ZDHHC21: variants seen among roughly 807,000 people sequenced by gnomAD.
ZDHHC21 encodes palmitoyltransferase ZDHHC21.
ZDHHC21 carries 15 observed loss-of-function variants against 34.6 expected under a neutral mutation model. The ratio of observed to expected loss-of-function variants is 0.43; its 90% CI spans 0.29 to 0.67. ZDHHC21 has a LOEUF of 0.67. Among genes scored for constraint, ZDHHC21 ranks in the 30% least tolerant of loss-of-function variants. ZDHHC21 has a pLI of 0.14. For missense variants in ZDHHC21, 344 were observed against 327.7 expected (o/e 1.05, Z -0.38); for synonymous variants, 142 against 101.8 (o/e 1.40, Z -2.38).
chr9:14,654,396 T>A (rs959363451), intron 7 of ZDHHC21, among the ~76,000 whole-genome samples: 21 of 32,202 alleles, frequency 6.5e-4, no homozygotes, highest in African/African-American at 2.3e-3. Context: ...TTATATCCTA[T>A]CAAAAAAAAA....
In ZDHHC21 at chr9:14,655,302, G is replaced by T. The variant is rs191414702; in HGVS notation, c.504+3447C>A. Among the ~76,000 whole-genome samples the T allele has an allele frequency of 8.6e-5, 13 of 151,954 alleles. No individual in the cohort carries two copies. In the East Asian group the frequency reaches 2.3e-3, roughly 27 times the overall value. On this transcript the variant is annotated intron_variant, in intron 7 of 9. Coordinates refer to ENST00000380916, the MANE Select transcript of ZDHHC21 (RefSeq NM_178566.6). Reference sequence around the variant, plus strand: ...TGAAGGAGAAATAAAAGCATCTTCAGGGAACCAACACTGAGAGAATTTGTT... The same window carrying T: ...TGAAGGAGAAATAAAAGCATCTTCATGGAACCAACACTGAGAGAATTTGTT...
intron 6 of ZDHHC21, among the ~76,000 whole-genome samples, chr9:14,660,010 T>C (rs1215556599): frequency 6.6e-6 from 1 of 152,176 alleles, no homozygotes; most frequent in African/African-American, 2.4e-5. Context: ...CCAGAACAGC[T>C]TTAAGAAGCA....
chr9:14,600,749 C>G, the ZDHHC21 span, among the ~76,000 whole-genome samples: 2 of 152,006 alleles, frequency 1.3e-5, no homozygotes, highest in African/African-American at 2.4e-5. Context: ...GACTTCAAAC[C>G]ATACTACAAG....
At chr9:14,632,007 G>C (rs140063028) in intron 8 of ZDHHC21, among the ~76,000 whole-genome samples, 1 of 151,534 alleles carries the variant, frequency 6.6e-6, no homozygotes, top group African/African-American at 2.4e-5. Flanking sequence ...ATATTGTACC[G>C]AAAGACTTAC....
intron 8 of ZDHHC21, among the ~76,000 whole-genome samples, chr9:14,631,101 G>T (rs981598451): frequency 6.6e-6 from 1 of 152,228 alleles, no homozygotes; most frequent in Admixed American, 6.5e-5. Flanking sequence ...TGTAGCCACA[G>T]AAGTCCTACA....
At chr9:14,631,045 C>G (rs370977502) in intron 8 of ZDHHC21, among the ~76,000 whole-genome samples, 5 of 152,202 alleles carry the variant, frequency 3.3e-5, no homozygotes, top group Non-Finnish European at 7.3e-5. Context: ...GAGAGTCAGT[C>G]TGTCCTGTAC....
chr9:14,677,810 T>C (rs774248040), intron 3 of ZDHHC21, among the ~76,000 whole-genome samples: 6 of 152,128 alleles, frequency 3.9e-5, no homozygotes, highest in Non-Finnish European at 7.4e-5. Context: ...GGAATACCAC[T>C]ATTTTTTGCC....
In ZDHHC21 at chr9:14,617,447, G is replaced by A. The variant is rs1824420120; in HGVS notation, c.*1519C>T. ...TTCTGAAAGAACTAACCACAGTATA[G>A]CCAACTGGCTGACAATGGTAACCTT... On this transcript the variant is annotated 3_prime_UTR_variant, in exon 10 of 10. Coordinates refer to ENST00000380916, the MANE Select transcript of ZDHHC21 (RefSeq NM_178566.6). 6.6e-6 allele frequency: 1 copy of A among 151,910 alleles called. No individual in the cohort carries two copies. Among genetic ancestry groups the A allele is most frequent in the South Asian group, 2.1e-4 (1 of 4,826 alleles). The allele number at this position is 151,910 out of a possible 1,614,324, so 9.4% of individuals were successfully genotyped here. A position where few individuals can be genotyped will look rare whatever the true frequency, so the allele number is the denominator to read the frequency against.
At chr9:14,624,575 T>C (rs1213350150) in intron 8 of ZDHHC21, among the ~76,000 whole-genome samples, 2 of 152,120 alleles carry the variant, frequency 1.3e-5, no homozygotes, top group African/African-American at 2.4e-5. Flanking sequence ...TTCTCACTCA[T>C]ATGCAGAATC....
rs574021281 is a variant in ZDHHC21, at chr9:14,611,796, C to A, written c.*7170G>T. ...CCTTGCAAGAGCCTAGCTTTGTCCT[C>A]CCGTGTTAGACTCACAATTCACTTG... On this transcript the variant is annotated 3_prime_UTR_variant, in exon 10 of 10. Transcript: ENST00000380916. 7 of 152,008 alleles carry A rather than the reference C, an allele frequency of 4.6e-5. No homozygotes were observed. Among genetic ancestry groups the A allele is most frequent in the Non-Finnish European group, 8.8e-5 (6 of 67,950 alleles). The allele number at this position is 152,008 out of a possible 1,614,324, so 9.4% of individuals were successfully genotyped here. A position where few individuals can be genotyped will look rare whatever the true frequency, so the allele number is the denominator to read the frequency against.
chr9:14,650,351 A>G (rs1280423635), intron 7 of ZDHHC21, among the ~76,000 whole-genome samples: 4 of 151,996 alleles, frequency 2.6e-5, no homozygotes, highest in African/African-American at 9.7e-5. Flanking sequence ...TATTAGCACT[A>G]AAAATAATTT....
In ZDHHC21 at chr9:14,616,848, G is replaced by C. The variant is rs1435260836; in HGVS notation, c.*2118C>G. 1 of 151,780 alleles carries C rather than the reference G, an allele frequency of 6.6e-6. No homozygotes were observed. Among genetic ancestry groups the C allele is most frequent in the African/African-American group, 2.4e-5 (1 of 41,388 alleles). The allele number at this position is 151,780 out of a possible 1,614,324, so 9.4% of individuals were successfully genotyped here. On this transcript the variant is annotated 3_prime_UTR_variant, in exon 10 of 10. Coordinates refer to ENST00000380916, the MANE Select transcript of ZDHHC21 (RefSeq NM_178566.6). ...AATTTAGGGGAACTGAGTACAGAGG[G>C]ATCAGGACCAGGAAAGGTAAAGAGG... is the stretch of plus-strand genomic sequence containing the variant.
At chr9:14,681,345 G>T (rs1239921723) in intron 2 of ZDHHC21, among the ~76,000 whole-genome samples, 10 of 152,078 alleles carry the variant, frequency 6.6e-5, no homozygotes, top group Admixed American at 3.9e-4. Context: ...TCAGCCTCCT[G>T]AGTCACTGGC....
At position 14,613,849 on chromosome 9, in the gene ZDHHC21, C is replaced by G. The variant is rs946785316; in HGVS notation, c.*5117G>C. 1 of 151,640 alleles carries G rather than the reference C, an allele frequency of 6.6e-6. No individual in the cohort carries two copies. Among genetic ancestry groups the G allele is most frequent in the African/African-American group, 2.4e-5 (1 of 41,376 alleles). The allele number at this position is 151,640 out of a possible 1,614,324, so 9.4% of individuals were successfully genotyped here. On this transcript the variant is annotated 3_prime_UTR_variant, in exon 10 of 10. Coordinates refer to ENST00000380916, the MANE Select transcript of ZDHHC21 (RefSeq NM_178566.6). ...CCAGTTTTTTCAAACTTTGGTCAACCTATTCATTTCTCCTCTGCATTAAAT... is the reference window on the plus strand; with the variant it reads ...CCAGTTTTTTCAAACTTTGGTCAACGTATTCATTTCTCCTCTGCATTAAAT...
At chr9:14,641,458 ATACAT>A (rs899798877) in intron 7 of ZDHHC21, among the ~76,000 whole-genome samples, 1 of 152,248 alleles carries the variant, frequency 6.6e-6, no homozygotes, top group Admixed American at 6.5e-5. Flanking sequence ...AACATAATTG[ATACAT>A]TAAACAAGTT....
At chr9:14,635,002 CCAAA>C (rs1828017125) in intron 8 of ZDHHC21, among the ~76,000 whole-genome samples, 1 of 151,918 alleles carries the variant, frequency 6.6e-6, no homozygotes, top group African/African-American at 2.4e-5. Flanking sequence ...TAAAAAAGAA[CCAAA>C]CAAACTGAAG....
At chr9:14,650,384 C>T (rs2133826553) in intron 7 of ZDHHC21, among the ~76,000 whole-genome samples, 2 of 151,942 alleles carry the variant, frequency 1.3e-5, no homozygotes, top group East Asian at 1.9e-4. Context: ...AATTTTAATT[C>T]CACAATACTC....
intron 3 of ZDHHC21, among the ~76,000 whole-genome samples, chr9:14,675,439 T>G (rs965356818): frequency 6.6e-6 from 1 of 151,960 alleles, no homozygotes; most frequent in Non-Finnish European, 1.5e-5. Flanking sequence ...CTACATCTAC[T>G]GAATCATAAT....
chr9:14,597,138 AGTTT>A, the ZDHHC21 span, among the ~76,000 whole-genome samples: 8 of 151,954 alleles, frequency 5.3e-5, no homozygotes, highest in African/African-American at 1.7e-4. Context: ...CCAGAGAGGG[AGTTT>A]GTTTTGGATG....
Sources: allele counts gnomAD v4.1 joint callset (sites outside exome capture counted in the v4.1 genomes callset), GRCh38; gene constraint gnomAD v4.1.1; transcripts MANE v1.5; gene names NCBI Gene and HGNC (gene_info 2026-07-23, HGNC 2026-07-21).